Variants in SGCD observed in about 807,000 individuals in gnomAD.
SGCD encodes sarcoglycan delta.
Under a neutral mutation model 36.6 loss-of-function variants are expected in SGCD, and 18 were observed. That is an observed-to-expected ratio of 0.49 (90% CI 0.34 to 0.73). The LOEUF is 0.73. Among genes scored for constraint, SGCD ranks in the 30% least tolerant of loss-of-function variants. The pLI is 0.01. For synonymous variants in SGCD, 133 were observed against 130.6 expected (o/e 1.02, Z -0.12); for missense variants, 387 against 346.7 (o/e 1.12, Z -0.92).
intron 3 of SGCD, among the ~76,000 whole-genome samples, chr5:156,501,416 G>A (rs752980864): frequency 1.2e-4 from 19 of 152,204 alleles, no homozygotes; most frequent in Non-Finnish European, 2.5e-4. Context: ...AAGAAAACAA[G>A]TTATGTGGAA....
intron 3 of SGCD, among the ~76,000 whole-genome samples, chr5:156,434,235 T>C (rs1390369862): frequency 6.6e-6 from 1 of 152,210 alleles, no homozygotes; most frequent in Admixed American, 6.5e-5. Flanking sequence ...AGTAGTCTTA[T>C]TAAAACATCA....
At chr5:156,029,682 A>C (rs1340723242) in intron 1 of SGCD, among the ~76,000 whole-genome samples, 3 of 152,174 alleles carry the variant, frequency 2.0e-5, no homozygotes, top group African/African-American at 7.2e-5. Context: ...AACAATGATC[A>C]CTGAACTAAC....
At chr5:156,652,196 T>C (rs1763488585) in intron 7 of SGCD, among the ~76,000 whole-genome samples, 1 of 151,996 alleles carries the variant, frequency 6.6e-6, no homozygotes, top group Non-Finnish European at 1.5e-5. Flanking sequence ...AATCATATTG[T>C]TGGACTGGGT....
chr5:156,364,624 G>A (rs544117084), intron 3 of SGCD, among the ~76,000 whole-genome samples: 56 of 152,236 alleles, frequency 3.7e-4, no homozygotes, highest in Middle Eastern at 3.4e-3. Flanking sequence ...ACAGACTATA[G>A]GAAGGTCATT....
At chr5:155,835,139 G>T in the SGCD span, among the ~76,000 whole-genome samples, 2 of 150,548 alleles carry the variant, frequency 1.3e-5, no homozygotes, top group African/African-American at 4.9e-5. Flanking sequence ...CTTCTGAGTA[G>T]CTGGGATTAC....
chr5:156,495,961 T>A (rs575102955), intron 3 of SGCD, among the ~76,000 whole-genome samples: 27 of 152,290 alleles, frequency 1.8e-4, no homozygotes, highest in African/African-American at 6.0e-4. Flanking sequence ...CCCTAAGTCC[T>A]TTCTGAATCT....
the SGCD span, among the ~76,000 whole-genome samples, chr5:155,736,293 T>A: frequency 4.9e-4 from 75 of 152,192 alleles, no homozygotes; most frequent in Non-Finnish European, 9.8e-4. Flanking sequence ...CCCAAAAAGC[T>A]TACCAAACTA....
rs1333358925 is a variant in SGCD, at chr5:155,885,344, A to G, written c.-282+14920A>G. On this transcript the variant is annotated intron_variant, in intron 1 of 9. Coordinates refer to the SGCD transcript ENST00000517913. ...GACAGAAGCAGGCAAGCATAAAAAT[A>G]TCAAGTGTTACCAAAGCCCAGAGCA... Among the ~76,000 whole-genome samples, 4 of 116,622 alleles carry G rather than the reference A, an allele frequency of 3.4e-5. 1 individual carries two copies. Among genetic ancestry groups the G allele is most frequent in the Admixed American group, 2.0e-4 (2 of 9,988 alleles). 76.5% of individuals were successfully genotyped at this position (116,622 alleles called of 152,430 possible).
chr5:156,019,841 G>A (rs1759060593), intron 1 of SGCD, among the ~76,000 whole-genome samples: 1 of 152,120 alleles, frequency 6.6e-6, no homozygotes, highest in African/African-American at 2.4e-5. Context: ...AACTTTTCAA[G>A]GCCTATGAGA....
At chr5:156,739,648 A>T (rs1756563499) in intron 7 of SGCD, 1 of 152,172 alleles carries the variant, frequency 6.6e-6, no homozygotes, top group African/African-American at 2.4e-5. Context: ...AACTGTGTGT[A>T]TTTACCTATG....
At chr5:156,608,484 C>T (rs936082262) in intron 6 of SGCD, among the ~76,000 whole-genome samples, 1 of 152,120 alleles carries the variant, frequency 6.6e-6, no homozygotes, top group African/African-American at 2.4e-5. Context: ...AATTTTGGAA[C>T]AGGTGTGGTG....
chr5:156,114,303 C>A (rs1340320295), intron 1 of SGCD, among the ~76,000 whole-genome samples: 1 of 151,998 alleles, frequency 6.6e-6, no homozygotes, highest in Non-Finnish European at 1.5e-5. Flanking sequence ...TTGCTGCGAA[C>A]CTAAAACTGC....
At chr5:156,027,390 C>T (rs1759245877) in intron 1 of SGCD, among the ~76,000 whole-genome samples, 1 of 152,144 alleles carries the variant, frequency 6.6e-6, no homozygotes, top group Non-Finnish European at 1.5e-5. Flanking sequence ...TTTCTGAGGA[C>T]CTGCCTATGT....
chr5:156,653,493 C>CTTTTTTTTTTCTTTTTTTTTTTTTTT (rs1763546835), intron 7 of SGCD, among the ~76,000 whole-genome samples: 1 of 48,082 alleles, frequency 2.1e-5, no homozygotes, highest in Non-Finnish European at 4.0e-5. Flanking sequence ...CTAAAGCTTG[C>CTTTTTTTTTTCTTTTTTTTTTTTTTT]TTTTTTTTTT....
intron 7 of SGCD, among the ~76,000 whole-genome samples, chr5:156,708,916 A>G (rs1754860726): frequency 6.6e-6 from 1 of 152,190 alleles, no homozygotes; most frequent in African/African-American, 2.4e-5. Context: ...ATTCTAGGAA[A>G]GTAAACATAT....
rs1278235441 is a variant in SGCD, at chr5:156,580,092, C to G, written c.295-9139C>G. 5.3e-5 allele frequency among the ~76,000 whole-genome samples: 8 copies of G among 152,100 alleles called. No homozygotes were observed. The East Asian group carries it at 1.2e-3, about 22-fold the overall frequency. Reference sequence around the variant, plus strand: ...ATGTTTAGTGCTTCCTTCAGGAGCTCTTGTAAGGCAGGCCTGGTGGTGACA... The same window carrying G: ...ATGTTTAGTGCTTCCTTCAGGAGCTGTTGTAAGGCAGGCCTGGTGGTGACA... On this transcript the variant is annotated intron_variant, in intron 4 of 8. Coordinates refer to ENST00000337851, the MANE Select transcript of SGCD (RefSeq NM_000337.6).
intron 3 of SGCD, among the ~76,000 whole-genome samples, chr5:156,229,133 T>C (rs1446976604): frequency 6.6e-6 from 1 of 151,244 alleles, no homozygotes; most frequent in Non-Finnish European, 1.5e-5. Context: ...TCTTCAGTTT[T>C]GAAACTTGGG....
chr5:155,997,422 A>T (rs1758574403), intron 1 of SGCD, among the ~76,000 whole-genome samples: 1 of 152,374 alleles, frequency 6.6e-6, no homozygotes, highest in Non-Finnish European at 1.5e-5. Flanking sequence ...TGCATAAGTG[A>T]CTACAGTATC....
intron 3 of SGCD, among the ~76,000 whole-genome samples, chr5:156,289,764 C>T (rs1330190599): frequency 2.0e-5 from 3 of 152,028 alleles, no homozygotes; most frequent in African/African-American, 7.2e-5. Context: ...AGCAATCCGC[C>T]CGTCCTAGTC....
Sources: allele counts gnomAD v4.1 joint callset (sites outside exome capture counted in the v4.1 genomes callset), GRCh38; gene constraint gnomAD v4.1.1; transcripts MANE v1.5; gene names NCBI Gene and HGNC (gene_info 2026-07-23, HGNC 2026-07-21).